The following LRRTM4 variants were observed in gnomAD, a reference collection of about 807,000 sequenced individuals.
LRRTM4 encodes the protein leucine rich repeat transmembrane neuronal 4, also known as leucine-rich repeat transmembrane neuronal protein 4.
Under a neutral mutation model 47.6 loss-of-function variants are expected in LRRTM4, and 25 were observed. The ratio of observed to expected loss-of-function variants is 0.53; its 90% CI spans 0.38 to 0.73. LRRTM4 has a LOEUF of 0.73. LRRTM4 is among the 30% of genes least tolerant of loss of function. The pLI is 0.00. For synonymous variants in LRRTM4, 311 were observed against 269.5 expected, an observed-to-expected ratio of 1.15 and a Z score of -1.51; for missense variants, 638 against 713.4, an observed-to-expected ratio of 0.89 and a Z score of 1.20.
chr2:76,826,088 G>T (rs1671182442), intron 3 of LRRTM4, among the ~76,000 whole-genome samples: 1 of 151,668 alleles, frequency 6.6e-6, no homozygotes, highest in South Asian at 2.1e-4. Flanking sequence ...GAAAAATAAG[G>T]AAGGCGAGAT....
At chr2:77,016,037 C>T (rs1206204457) in intron 3 of LRRTM4, among the ~76,000 whole-genome samples, 7 of 151,928 alleles carry the variant, frequency 4.6e-5, no homozygotes, top group South Asian at 2.1e-4. Flanking sequence ...GCCGAGATCA[C>T]GCCACTGCGC....
intron 3 of LRRTM4, among the ~76,000 whole-genome samples, chr2:77,477,919 GAAAGAA>G (rs1322200111): frequency 1.6e-4 from 11 of 70,576 alleles, no homozygotes; most frequent in Admixed American, 3.8e-4. Context: ...AAGAAAGAAA[GAAAGAA>G]AGAAAGAAAG....
intron 3 of LRRTM4, among the ~76,000 whole-genome samples, chr2:77,464,434 ATATATAAT>A (rs1676906251): frequency 6.6e-6 from 1 of 152,160 alleles, no homozygotes; most frequent in Non-Finnish European, 1.5e-5. Flanking sequence ...AGTAATTTAT[ATATATAAT>A]TTAATCTAAT....
chr2:77,503,223 G>C (rs1393589313), intron 3 of LRRTM4, among the ~76,000 whole-genome samples: 3 of 151,410 alleles, frequency 2.0e-5, no homozygotes, highest in Non-Finnish European at 4.4e-5. Context: ...AGACTAAATA[G>C]GACAAAAATT....
chr2:76,873,504 GTGTATATA>G (rs1672691373), intron 3 of LRRTM4, among the ~76,000 whole-genome samples: 3 of 73,198 alleles, frequency 4.1e-5, no homozygotes, highest in African/African-American at 1.3e-4. Flanking sequence ...ATATATATGT[GTGTATATA>G]TATATATATA....
intron 3 of LRRTM4, among the ~76,000 whole-genome samples, chr2:77,170,299 T>C (rs1392059682): frequency 2.0e-5 from 3 of 152,132 alleles, no homozygotes; most frequent in Non-Finnish European, 4.4e-5. Flanking sequence ...AGAAAGCGGA[T>C]ATGAGCTGAG....
At chr2:76,899,292 GGAGA>G (rs1213120090) in intron 3 of LRRTM4, among the ~76,000 whole-genome samples, 1 of 132,118 alleles carries the variant, frequency 7.6e-6, no homozygotes, top group East Asian at 2.4e-4. Flanking sequence ...TCTATTGGAG[GGAGA>G]GAAAGACTAA....
intron 3 of LRRTM4, among the ~76,000 whole-genome samples, chr2:77,128,849 A>G (rs1404237728): frequency 6.6e-6 from 1 of 152,182 alleles, no homozygotes; most frequent in African/African-American, 2.4e-5. Context: ...CATGTTGCTC[A>G]GGCTGGTCTC....
intron 3 of LRRTM4, among the ~76,000 whole-genome samples, chr2:77,406,499 A>C (rs553766982): frequency 6.6e-6 from 1 of 151,996 alleles, no homozygotes; most frequent in Non-Finnish European, 1.5e-5. Context: ...ACAAGGTCTC[A>C]CTATGTTGCT....
chr2:77,003,754 A>G (rs1441066540), intron 3 of LRRTM4, among the ~76,000 whole-genome samples: 1 of 152,166 alleles, frequency 6.6e-6, no homozygotes, highest in African/African-American at 2.4e-5. Context: ...GAAAATGTGG[A>G]AGCAACTTTG....
chr2:77,336,166 A>C (rs1161429419), intron 3 of LRRTM4, among the ~76,000 whole-genome samples: 1 of 150,272 alleles, frequency 6.7e-6, no homozygotes, highest in Non-Finnish European at 1.5e-5. Context: ...GGAGAAAGAA[A>C]GGAAGGAAGG....
At chr2:77,026,887 T>A (rs1678473030) in intron 3 of LRRTM4, among the ~76,000 whole-genome samples, 1 of 152,138 alleles carries the variant, frequency 6.6e-6, no homozygotes, top group Admixed American at 6.5e-5. Flanking sequence ...TCTATGAATA[T>A]TTAGTAAGAT....
Position 77,127,081 on chromosome 2 carries a change from C to T in LRRTM4, c.1552-378165G>A, listed in dbSNP as rs116454402. On this transcript the variant is annotated intron_variant, in intron 3 of 3. Coordinates refer to ENST00000409884, the MANE Select transcript of LRRTM4 (RefSeq NM_001134745.3). ...TTTTATCCTCTAAATATACTGAAAA[C>T]ACTTATGTGATATGTCATAGTTTCT... 7.5e-3 allele frequency among the ~76,000 whole-genome samples: 1,136 copies of T among 152,186 alleles called. 15 individuals carry two copies. The highest frequency in any genetic ancestry group is 0.026 in the African/African-American group (1,065 of 41,524).
chr2:77,279,432 T>C (rs1185728852), intron 3 of LRRTM4, among the ~76,000 whole-genome samples: 1 of 151,968 alleles, frequency 6.6e-6, no homozygotes, highest in Non-Finnish European at 1.5e-5. Context: ...TTTTAGCTGC[T>C]CTCCTATGCA....
chr2:77,039,457 T>C lies in LRRTM4; in HGVS notation c.1552-290541A>G, dbSNP rs933583595. ...CAGAGTCAATGACATAGATATCTCTTACTAATCTGTCATCATAAATATTTC... is the reference window on the plus strand; with the variant it reads ...CAGAGTCAATGACATAGATATCTCTCACTAATCTGTCATCATAAATATTTC... On this transcript the variant is annotated intron_variant, in intron 3 of 3. Coordinates refer to ENST00000409884, the MANE Select transcript of LRRTM4 (RefSeq NM_001134745.3). Among the ~76,000 whole-genome samples the C allele has an allele frequency of 4.0e-5, 6 of 151,268 alleles. No individual in the cohort carries two copies. In the East Asian group the frequency reaches 1.2e-3, roughly 29 times the overall value.
chr2:77,199,418 A>G (rs1274276046), intron 3 of LRRTM4, among the ~76,000 whole-genome samples: 2 of 152,128 alleles, frequency 1.3e-5, no homozygotes, highest in African/African-American at 2.4e-5. Flanking sequence ...CTGTGAGCTT[A>G]ACCATTTTGC....
chr2:77,397,768 T>A (rs982338055), intron 3 of LRRTM4, among the ~76,000 whole-genome samples: 1 of 151,862 alleles, frequency 6.6e-6, no homozygotes, highest in Non-Finnish European at 1.5e-5. Flanking sequence ...ATCAGTAAAT[T>A]TAAAAAGTGA....
At position 76,912,955 on chromosome 2, in the gene LRRTM4, C is replaced by T. The variant is rs372889563; in HGVS notation, c.1552-164039G>A. 1.4e-4 allele frequency among the ~76,000 whole-genome samples: 21 copies of T among 152,304 alleles called. No homozygotes were observed. In the South Asian group the frequency reaches 1.5e-3, roughly 11 times the overall value. Reference sequence around the variant, plus strand: ...TGCAGAACTATCAGCCAATTAACCACTTTCATTCATAAATTACCCAGTCCC... The same window carrying T: ...TGCAGAACTATCAGCCAATTAACCATTTTCATTCATAAATTACCCAGTCCC... On this transcript the variant is annotated intron_variant, in intron 3 of 3. Transcript: ENST00000409884.
At chr2:77,482,125 A>AT (rs746415424) in intron 3 of LRRTM4, among the ~76,000 whole-genome samples, 29 of 152,160 alleles carry the variant, frequency 1.9e-4, no homozygotes, top group Admixed American at 1.8e-3. Context: ...TCAATCAGTG[A>AT]TTTTTTTAAA....
Sources: allele counts gnomAD v4.1 joint callset (sites outside exome capture counted in the v4.1 genomes callset), GRCh38; gene constraint gnomAD v4.1.1; transcripts MANE v1.5; gene names NCBI Gene and HGNC (gene_info 2026-07-23, HGNC 2026-07-21).